TBL1Y: variants seen among roughly 807,000 people sequenced by gnomAD.
TBL1Y encodes transducin beta like 1 Y-linked.
A neutral mutation model predicts 12.0 loss-of-function variants in TBL1Y; 15 were observed. The ratio of observed to expected loss-of-function variants is 1.25; its 90% CI spans 0.83 to 1.92. TBL1Y has a LOEUF of 1.92. Ranked by LOEUF, TBL1Y falls within the 40% of genes most tolerant of loss-of-function variation. The pLI, the probability that TBL1Y is intolerant of heterozygous loss-of-function variation, is 0.00. For missense variants in TBL1Y, 148 were observed against 116.7 expected (o/e 1.27, Z -1.24); for synonymous variants, 53 against 42.6 (o/e 1.24, Z -0.95).
chrY:6,992,424 G>C (rs2012373774), intron 3 of TBL1Y, among the ~76,000 whole-genome samples: 1 of 33,182 alleles, frequency 3.0e-5, no homozygotes, highest in Non-Finnish European at 7.4e-5. Flanking sequence ...TATTGGCTTA[G>C]AGCTCTGACC....
chrY:7,028,052 G>A, intron 6 of TBL1Y, among the ~76,000 whole-genome samples: 1 of 33,545 alleles, frequency 3.0e-5, no homozygotes, highest in Admixed American at 2.7e-4. Context: ...AAGGGAGTAG[G>A]TGTTGACCTG....
Position 7,039,725 on chromosome Y carries a change from A to G in TBL1Y, c.59-3255A>G. Among the ~76,000 whole-genome samples, 11 of 33,687 alleles carry G rather than the reference A, an allele frequency of 3.3e-4. No individual in the cohort carries two copies. In the South Asian group the frequency reaches 7.4e-3, roughly 23 times the overall value. 90.4% of individuals were successfully genotyped at this position (33,687 alleles called of 37,273 possible). A position where few individuals can be genotyped will look rare whatever the true frequency, so the allele number is the denominator to read the frequency against. On this transcript the variant is annotated intron_variant, in intron 6 of 18. Transcript: ENST00000383032. ...TGGGAAAGTGACATTTCTACTTGCTACGGTCTTCTCTCTTGATTGACCCTG... is the reference window on the plus strand; with the variant it reads ...TGGGAAAGTGACATTTCTACTTGCTGCGGTCTTCTCTCTTGATTGACCCTG...
At chrY:6,915,290 C>T (rs2011726729) in intron 2 of TBL1Y, among the ~76,000 whole-genome samples, 5 of 33,576 alleles carry the variant, frequency 1.5e-4, no homozygotes, top group Admixed American at 1.1e-3. Context: ...TCAAAGTCTT[C>T]TGTATTAAAA....
At chrY:6,967,144 C>T in intron 2 of TBL1Y, among the ~76,000 whole-genome samples, 3 of 32,837 alleles carry the variant, frequency 9.1e-5, no homozygotes, top group African/African-American at 3.6e-4. Flanking sequence ...TTGCTTTCTT[C>T]CCTCCTGGAG....
chrY:7,028,301 T>C (rs2012636007), intron 6 of TBL1Y, among the ~76,000 whole-genome samples: 4 of 34,192 alleles, frequency 1.2e-4, no homozygotes, highest in African/African-American at 4.6e-4. Flanking sequence ...TGCATTAGGC[T>C]GCAAGAAAGG....
chrY:7,087,210 G>T, intron 16 of TBL1Y, 57 bp from the exon 17 acceptor site: 2 of 166,289 alleles, frequency 1.2e-5, no homozygotes, highest in Non-Finnish European at 1.8e-5. Flanking sequence ...GAAAAACAGG[G>T]TCTCACCATG....
At chrY:7,042,908 A>G in intron 6 of TBL1Y, 72 bp from the exon 7 acceptor site, 1 of 396,973 alleles carries the variant, frequency 2.5e-6, no homozygotes, top group Non-Finnish European at 3.5e-6. Context: ...GGCCACTTTC[A>G]GATCTCAATG....
chrY:7,043,059 G>A lies in TBL1Y; in HGVS notation c.138G>A (p.Pro46=), dbSNP rs763479323. Residue 46 remains proline, a synonymous_variant, in exon 7 of 19, where the codon CCG becomes CCA. Coordinates refer to ENST00000383032, the MANE Select transcript of TBL1Y (RefSeq NM_033284.2). ...QSNINGTLVP[P]SALISILQKG... ...ACATCAATGGGACACTAGTGCCACC[G>A]TCTGCCCTCATCTCCATTCTCCAGA... 11 of 398,035 alleles carry A rather than the reference G, an allele frequency of 2.8e-5. No homozygotes were observed. The highest frequency in any genetic ancestry group is 7.4e-5 in the Admixed American group (1 of 13,454).
At chrY:6,946,603 C>T (rs2011986705) in intron 2 of TBL1Y, among the ~76,000 whole-genome samples, 2 of 32,944 alleles carry the variant, frequency 6.1e-5, no homozygotes, top group African/African-American at 1.2e-4. Flanking sequence ...GGATTACAGA[C>T]GCCCACCACC....
At chrY:6,972,314 C>A (rs2012213642) in intron 2 of TBL1Y, among the ~76,000 whole-genome samples, 1 of 33,156 alleles carries the variant, frequency 3.0e-5, no homozygotes, top group Non-Finnish European at 7.4e-5. Flanking sequence ...CCTGTCCTGA[C>A]ACTGGATGAT....
chrY:6,932,487 T>C (rs1039392520), intron 2 of TBL1Y, among the ~76,000 whole-genome samples: 1 of 33,792 alleles, frequency 3.0e-5, no homozygotes, highest in Non-Finnish European at 7.3e-5. Context: ...TCTTGTTTTG[T>C]TTTGAGACAA....
chrY:7,081,322 C>T (rs2013098604), intron 14 of TBL1Y, among the ~76,000 whole-genome samples: 1 of 33,356 alleles, frequency 3.0e-5, no homozygotes, highest in Non-Finnish European at 7.4e-5. Context: ...AAAACCCTGT[C>T]TCTGCAAAAC....
chrY:6,974,368 G>A (rs985008582), intron 2 of TBL1Y, among the ~76,000 whole-genome samples: 31 of 33,675 alleles, frequency 9.2e-4, no homozygotes, highest in African/African-American at 3.2e-3. Context: ...CATTGTGCCC[G>A]GCCTTCATTA....
At chrY:6,975,703 G>A (rs1024974418) in intron 2 of TBL1Y, among the ~76,000 whole-genome samples, 8 of 32,874 alleles carry the variant, frequency 2.4e-4, no homozygotes, top group African/African-American at 8.3e-4. Context: ...AAAAGCAGCC[G>A]AATTTAACAT....
chrY:7,012,674 A>C (rs2012526257), intron 4 of TBL1Y, among the ~76,000 whole-genome samples: 1 of 34,110 alleles, frequency 2.9e-5, no homozygotes, highest in Non-Finnish European at 7.3e-5. Flanking sequence ...AGATAGCTTC[A>C]TGACAGCCCC....
intron 2 of TBL1Y, among the ~76,000 whole-genome samples, chrY:6,955,187 C>T (rs2012063408): frequency 3.0e-5 from 1 of 33,390 alleles, no homozygotes; most frequent in East Asian, 7.9e-4. Context: ...TTTATTCTCC[C>T]TCTTGGATCA....
intron 2 of TBL1Y, among the ~76,000 whole-genome samples, chrY:6,964,948 C>G: frequency 3.1e-5 from 1 of 32,092 alleles, no homozygotes; most frequent in Non-Finnish European, 7.5e-5. Flanking sequence ...ACTGTAGGAT[C>G]AAACACCATT....
chrY:6,943,079 G>T, intron 2 of TBL1Y, among the ~76,000 whole-genome samples: 1 of 32,950 alleles, frequency 3.0e-5, no homozygotes, highest in African/African-American at 1.2e-4. Flanking sequence ...GTTTAGCCTT[G>T]GAAAAGGAGA....
intron 2 of TBL1Y, among the ~76,000 whole-genome samples, chrY:6,956,016 C>T (rs2012067484): frequency 3.0e-5 from 1 of 33,565 alleles, no homozygotes; most frequent in African/African-American, 1.2e-4. Flanking sequence ...TCCTCATTTG[C>T]TCTTTGAGTC....
Sources: gnomAD v4.1 joint callset for allele counts (sites outside exome capture counted in the v4.1 genomes callset) on GRCh38, gnomAD v4.1.1 for gene constraint, MANE v1.5 for transcripts, NCBI Gene and HGNC (gene_info 2026-07-23, HGNC 2026-07-21) for gene names.